BMPR2: variants seen among roughly 807,000 people sequenced by gnomAD.
BMPR2 encodes bone morphogenetic protein receptor type-2.
In BMPR2, 29 loss-of-function variants were observed where a neutral mutation model predicts 100.8. That is an observed-to-expected ratio of 0.29 (90% confidence interval 0.21 to 0.39). The LOEUF (loss-of-function observed/expected upper bound fraction) is 0.39. Among genes scored for constraint, BMPR2 ranks in the 10% least tolerant of loss-of-function variants. The pLI, the probability that BMPR2 is intolerant of heterozygous loss-of-function variation, is 1.00. For missense variants in BMPR2, 1,011 were observed against 1,274.5 expected (o/e 0.79, Z 3.15); for synonymous variants, 382 against 442.3 (o/e 0.86, Z 1.71).
Position 202,520,096 on chromosome 2 carries a change from T to C in BMPR2, c.862T>C (p.Cys288Arg). Residue 288 changes from cysteine to arginine, a missense_variant, in exon 7 of 13, where the codon TGC becomes CGC. Around this residue, in one of 6 missense-constraint regions of BMPR2, gnomAD observed 355 missense variants for 455.3 expected, o/e 0.78. Transcript: ENST00000374580. Reference sequence around the variant, plus strand: ...TTTTTCCTCTATATAGGGATCTTTATGCAAGTATTTAAGTCTCCACACAAG... The same window carrying C: ...TTTTTCCTCTATATAGGGATCTTTACGCAAGTATTTAAGTCTCCACACAAG... ...VMEYYPNGSL[C>R]KYLSLHTSDW... The C allele has an allele frequency of 1.9e-6, 3 of 1,610,652 alleles. No homozygotes were observed. Among genetic ancestry groups the C allele is most frequent in the Non-Finnish European group, 2.5e-6 (3 of 1,177,610 alleles).
intron 1 of BMPR2, among the ~76,000 whole-genome samples, chr2:202,437,753 A>G (rs576294711): frequency 6.6e-6 from 1 of 150,748 alleles, no homozygotes; most frequent in Admixed American, 6.6e-5. Flanking sequence ...TTCACTCAGC[A>G]TAATGTTTTC....
rs552124444 is a variant in BMPR2 at position 202,406,290 on chromosome 2, C to T, written c.76+28740C>T. 9.7e-4 allele frequency among the ~76,000 whole-genome samples: 148 copies of T among 152,242 alleles called. 1 individual carries two copies. The highest frequency in any genetic ancestry group is 3.2e-3 in the African/African-American group (131 of 41,534). On this transcript the variant is annotated intron_variant, in intron 1 of 12. Transcript: ENST00000374580. ...TCTGTGTTCCGAGTAAGTTGTAGCC[C>T]CTTGGGGCTGTGAGCAACCCCCTCC...
chr2:202,454,150 A>G (rs141147684), intron 1 of BMPR2, among the ~76,000 whole-genome samples: 58 of 152,142 alleles, frequency 3.8e-4, no homozygotes, highest in African/African-American at 1.3e-3. Context: ...GGTTACTGCA[A>G]TCACCACCTC....
intron 3 of BMPR2, among the ~76,000 whole-genome samples, chr2:202,472,394 C>T (rs1312551108): frequency 6.6e-6 from 1 of 152,184 alleles, no homozygotes; most frequent in African/African-American, 2.4e-5. Flanking sequence ...TGCGGTGGCT[C>T]ACACCTGTAA....
chr2:202,492,819 A>G (rs1026401032), intron 3 of BMPR2, among the ~76,000 whole-genome samples: 1 of 151,762 alleles, frequency 6.6e-6, no homozygotes, highest in African/African-American at 2.4e-5. Flanking sequence ...TTTAATGGGG[A>G]AAAAAAGTTA....
intron 3 of BMPR2, among the ~76,000 whole-genome samples, chr2:202,496,967 C>A (rs1266535157): frequency 6.6e-6 from 1 of 152,254 alleles, no homozygotes; most frequent in Non-Finnish European, 1.5e-5. Flanking sequence ...AGCTGGAGTT[C>A]CGGGTGGGCA....
At chr2:202,502,874 C>T (rs939385527) in intron 3 of BMPR2, among the ~76,000 whole-genome samples, 19 of 152,232 alleles carry the variant, frequency 1.2e-4, no homozygotes, top group Non-Finnish European at 2.2e-4. Flanking sequence ...AACATGGCTT[C>T]TCCCCTTTCT....
At chr2:202,513,355 T>G (rs1202696941) in intron 3 of BMPR2, among the ~76,000 whole-genome samples, 2 of 152,182 alleles carry the variant, frequency 1.3e-5, no homozygotes, top group African/African-American at 4.8e-5. Flanking sequence ...GAGTACTATT[T>G]TTATAAATGA....
At chr2:202,416,985 C>A (rs1042340072) in intron 1 of BMPR2, among the ~76,000 whole-genome samples, 9 of 148,356 alleles carry the variant, frequency 6.1e-5, no homozygotes, top group Admixed American at 4.7e-4. Flanking sequence ...TACAGGCACC[C>A]GCCACCACGC....
intron 3 of BMPR2, among the ~76,000 whole-genome samples, chr2:202,470,216 C>T (rs1307897997): frequency 6.6e-6 from 1 of 151,820 alleles, no homozygotes; most frequent in Non-Finnish European, 1.5e-5. Context: ...CTGGTGCATG[C>T]CTGTAATCCC....
intron 11 of BMPR2, among the ~76,000 whole-genome samples, 164 bp downstream of exon 11, chr2:202,553,052 A>T (rs1688510084): frequency 6.6e-6 from 1 of 152,176 alleles, no homozygotes; most frequent in Non-Finnish European, 1.5e-5. Flanking sequence ...TCTATTGAAC[A>T]TTTTTGTTTG....
At chr2:202,518,775 T>G (rs375695596) in intron 5 of BMPR2, 47 bp from the exon 6 acceptor site, 1 of 1,423,240 alleles carries the variant, frequency 7.0e-7, no homozygotes, top group African/African-American at 1.4e-5. Flanking sequence ...TAAATTTGAT[T>G]GTTCAATTGT....
chr2:202,451,998 C>T (rs1487408253), intron 1 of BMPR2, among the ~76,000 whole-genome samples: 1 of 152,132 alleles, frequency 6.6e-6, no homozygotes, highest in Non-Finnish European at 1.5e-5. Context: ...AGGTGATCCG[C>T]CTGCCTCAGT....
intron 1 of BMPR2, among the ~76,000 whole-genome samples, chr2:202,454,596 T>A (rs2105950427): frequency 6.6e-6 from 1 of 152,332 alleles, no homozygotes; most frequent in East Asian, 1.9e-4. Context: ...AGCACTCATT[T>A]ATAGTACTTG....
chr2:202,433,947 A>G (rs1329830525), intron 1 of BMPR2, among the ~76,000 whole-genome samples: 1 of 150,640 alleles, frequency 6.6e-6, no homozygotes, highest in Non-Finnish European at 1.5e-5. Flanking sequence ...AGTGTTAAAG[A>G]TGAAGCTTGC....
At chr2:202,481,259 A>T (rs1415907997) in intron 3 of BMPR2, among the ~76,000 whole-genome samples, 1 of 151,574 alleles carries the variant, frequency 6.6e-6, no homozygotes, top group Non-Finnish European at 1.5e-5. Context: ...GCTCACTGCA[A>T]CCTCCGCCTC....
intron 1 of BMPR2, among the ~76,000 whole-genome samples, chr2:202,382,058 G>GTTT (rs1216592236): frequency 1.8e-4 from 20 of 113,648 alleles, no homozygotes; most frequent in Non-Finnish European, 2.4e-4. Flanking sequence ...TTTTGTTTTT[G>GTTT]TTTTTTTTTT....
chr2:202,476,393 A>G (rs1692552953), intron 3 of BMPR2, among the ~76,000 whole-genome samples: 1 of 152,192 alleles, frequency 6.6e-6, no homozygotes, highest in Non-Finnish European at 1.5e-5. Flanking sequence ...GGTTTCAGAT[A>G]CAGACGTACT....
rs1426768146 is a variant in BMPR2, at chr2:202,384,530, C to CTT, written c.76+6981_76+6982insTT. Among the ~76,000 whole-genome samples the CTT allele has an allele frequency of 3.6e-3, 387 of 107,698 alleles. 8 individuals carry two copies. Among genetic ancestry groups the CTT allele is most frequent in the African/African-American group, 0.015 (344 of 23,528 alleles). 70.7% of individuals were successfully genotyped at this position (107,698 alleles called of 152,430 possible). The stretch of plus-strand genomic sequence containing the variant: ...TTTCAGTTTCTTTCTTTCTTTCTTT[C>CTT]TCTTTCTTTCTTTCTTTCTTTCTTT... On this transcript the variant is annotated intron_variant, in intron 1 of 12. Coordinates refer to ENST00000374580, the MANE Select transcript of BMPR2 (RefSeq NM_001204.7).
Sources: gnomAD v4.1 joint callset for allele counts (sites outside exome capture counted in the v4.1 genomes callset) on GRCh38, gnomAD v4.1.1 for gene constraint, gnomAD v4.1.1 regional missense constraint, MANE v1.5 for transcripts, NCBI Gene and HGNC (gene_info 2026-07-23, HGNC 2026-07-21) for gene names.